RBFOX1: variants seen among roughly 807,000 people sequenced by gnomAD.
RBFOX1 encodes the protein RNA binding fox-1 homolog 1.
A neutral mutation model predicts 57.7 loss-of-function variants in RBFOX1; 8 were observed. The observed-to-expected ratio is 0.14, with a 90% confidence interval of 0.08 to 0.25. RBFOX1 has a LOEUF of 0.25. RBFOX1 is among the 10% of genes least tolerant of loss of function. The pLI is 1.00. For synonymous variants in RBFOX1, 326 were observed against 222.4 expected (o/e 1.47, Z -4.15); for missense variants, 611 against 548.5 (o/e 1.11, Z -1.14).
chr16:5,248,320 T>C (rs969370575), intron 1 of RBFOX1, among the ~76,000 whole-genome samples: 50 of 152,264 alleles, frequency 3.3e-4, no homozygotes, highest in Non-Finnish European at 6.2e-4. Flanking sequence ...TTTCCTTTTT[T>C]TGTTCTCTGA....
chr16:5,345,483 C>A (rs1228970775), intron 1 of RBFOX1, among the ~76,000 whole-genome samples: 1 of 152,238 alleles, frequency 6.6e-6, no homozygotes, highest in Non-Finnish European at 1.5e-5. Flanking sequence ...TCAAAATGAA[C>A]TGCAGGCAGA....
chr16:5,410,259 T>A (rs569056947), intron 1 of RBFOX1, among the ~76,000 whole-genome samples: 198 of 151,724 alleles, frequency 1.3e-3, no homozygotes, highest in African/African-American at 4.7e-3. Flanking sequence ...TAGTTCCAGC[T>A]ACTCAGGAGG....
At chr16:7,414,537 C>G (rs79867404) in intron 4 of RBFOX1, among the ~76,000 whole-genome samples, 13 of 152,198 alleles carry the variant, frequency 8.5e-5, no homozygotes, top group Admixed American at 1.3e-4. Context: ...GTGTGACTTT[C>G]CAACCAATAT....
chr16:7,201,114 G>A (rs540394186), intron 4 of RBFOX1, among the ~76,000 whole-genome samples: 96 of 152,290 alleles, frequency 6.3e-4, no homozygotes, highest in African/African-American at 2.3e-3. Flanking sequence ...TGCTCTGCAG[G>A]CAACAAAGCT....
chr16:7,566,009 C>A (rs1215306911), intron 5 of RBFOX1, among the ~76,000 whole-genome samples: 2 of 152,102 alleles, frequency 1.3e-5, no homozygotes, highest in Admixed American at 1.3e-4. Context: ...ACTTGCCGAG[C>A]GCCTACTATG....
At chr16:5,607,281 G>A (rs538838965) in intron 3 of RBFOX1, among the ~76,000 whole-genome samples, 2 of 152,340 alleles carry the variant, frequency 1.3e-5, no homozygotes, top group East Asian at 3.9e-4. Context: ...GAGACATGGA[G>A]GCTTAAATTC....
At chr16:5,904,227 T>C (rs913547702) in intron 4 of RBFOX1, among the ~76,000 whole-genome samples, 45 of 152,238 alleles carry the variant, frequency 3.0e-4, no homozygotes, top group African/African-American at 9.1e-4. Flanking sequence ...CTTGAAATTC[T>C]TCCCACTGTG....
At chr16:6,181,215 G>A (rs978661609) in intron 1 of RBFOX1, among the ~76,000 whole-genome samples, 2 of 152,104 alleles carry the variant, frequency 1.3e-5, no homozygotes, top group South Asian at 2.1e-4. Context: ...ATATGGTCAC[G>A]GCCTTCTACC....
intron 2 of RBFOX1, among the ~76,000 whole-genome samples, chr16:5,583,354 A>G (rs1390138197): frequency 1.3e-5 from 2 of 152,240 alleles, no homozygotes; most frequent in African/African-American, 2.4e-5. Context: ...TGTATCTGTA[A>G]TAATAGCTGA....
At chr16:6,051,058 C>T (rs1297370169) in intron 1 of RBFOX1, among the ~76,000 whole-genome samples, 1 of 148,608 alleles carries the variant, frequency 6.7e-6, no homozygotes, top group Non-Finnish European at 1.5e-5. Context: ...TGAAATAATC[C>T]ATTTCCCCGA....
At chr16:6,633,072 A>G (rs2154061568) in intron 2 of RBFOX1, among the ~76,000 whole-genome samples, 1 of 152,220 alleles carries the variant, frequency 6.6e-6, no homozygotes. Flanking sequence ...TCTTCCTGGG[A>G]CATGCTTTTT....
intron 3 of RBFOX1, among the ~76,000 whole-genome samples, chr16:5,712,878 G>C (rs1051156986): frequency 1.3e-5 from 2 of 152,282 alleles, no homozygotes; most frequent in East Asian, 1.9e-4. Context: ...CTGTGCTGCA[G>C]AGTTCACTCT....
intron 4 of RBFOX1, among the ~76,000 whole-genome samples, chr16:7,099,110 C>G (rs2062204436): frequency 6.6e-6 from 1 of 152,134 alleles, no homozygotes; most frequent in Non-Finnish European, 1.5e-5. Context: ...AAAAATAGTA[C>G]TTAGAATCAG....
chr16:7,185,806 C>T (rs1190537394), intron 4 of RBFOX1, among the ~76,000 whole-genome samples: 1 of 152,172 alleles, frequency 6.6e-6, no homozygotes, highest in Admixed American at 6.5e-5. Flanking sequence ...ATCTGAGCAT[C>T]AGTCAGACTC....
intron 4 of RBFOX1, among the ~76,000 whole-genome samples, chr16:7,105,158 A>T (rs1414191696): frequency 3.3e-5 from 5 of 152,130 alleles, no homozygotes; most frequent in Non-Finnish European, 7.4e-5. Context: ...GCTTCAGCTT[A>T]AAGTATAGGC....
chr16:7,554,492 T>C (rs2087658545), intron 5 of RBFOX1, among the ~76,000 whole-genome samples: 1 of 152,162 alleles, frequency 6.6e-6, no homozygotes, highest in Non-Finnish European at 1.5e-5. Flanking sequence ...GCCTGAGTCG[T>C]GTAGACTAAG....
At chr16:5,736,225 A>G (rs753101327) in intron 3 of RBFOX1, among the ~76,000 whole-genome samples, 1 of 152,144 alleles carries the variant, frequency 6.6e-6, no homozygotes, top group Non-Finnish European at 1.5e-5. Context: ...TGTCGAAATG[A>G]ACCTGGCGTC....
Position 7,037,734 on chromosome 16 carries a change from G to T in RBFOX1, c.-15-14323G>T, listed in dbSNP as rs545710337. On this transcript the variant is annotated intron_variant, in intron 3 of 15. Coordinates refer to ENST00000550418, the MANE Select transcript of RBFOX1 (RefSeq NM_018723.4). Reference sequence around the variant, plus strand: ...GACCCAGGCAAGGAATTTGTTCAAGGTCTGTAAGCTAATAAGGAGTTGAGT... The same window carrying T: ...GACCCAGGCAAGGAATTTGTTCAAGTTCTGTAAGCTAATAAGGAGTTGAGT... Among the ~76,000 whole-genome samples, 3 of 152,310 alleles carry T rather than the reference G, an allele frequency of 2.0e-5. No homozygotes were observed. In the East Asian group the frequency reaches 5.8e-4, roughly 29 times the overall value.
At chr16:6,637,595 A>AGTATATATATAATAGTC (rs6145738) in intron 2 of RBFOX1, among the ~76,000 whole-genome samples, 1 of 139,478 alleles carries the variant, frequency 7.2e-6, no homozygotes, top group Non-Finnish European at 1.5e-5. Context: ...TAGTCTATAT[A>AGTATATATATAATAGTC]TATATTAGAA....
Sources: gnomAD v4.1 joint callset for allele counts (sites outside exome capture counted in the v4.1 genomes callset) on GRCh38, gnomAD v4.1.1 for gene constraint, MANE v1.5 for transcripts, NCBI Gene and HGNC (gene_info 2026-07-23, HGNC 2026-07-21) for gene names.